Variants in PREX1 observed in about 807,000 individuals in gnomAD.
The protein encoded by PREX1 is phosphatidylinositol 3,4,5-trisphosphate-dependent Rac exchanger 1 protein.
A neutral mutation model predicts 198.3 loss-of-function variants in PREX1; 41 were observed. The ratio of observed to expected loss-of-function variants is 0.21; its 90% CI spans 0.16 to 0.27. PREX1 has a LOEUF of 0.27. Ranked by LOEUF, PREX1 falls within the 10% of genes least tolerant of loss-of-function variation. The pLI, the probability that PREX1 is intolerant of heterozygous loss-of-function variation, is 1.00. For missense variants in PREX1, 1,620 were observed against 2,200.7 expected (o/e 0.74, Z 5.28); for synonymous variants, 843 against 887.2 (o/e 0.95, Z 0.89).
At chr20:48,653,276 T>A (rs2089514803) in intron 20 of PREX1, 85 bp downstream of exon 20, 3 of 1,546,824 alleles carry the variant, frequency 1.9e-6, no homozygotes, top group Non-Finnish European at 2.6e-6. Flanking sequence ...ACATGCAGGC[T>A]TTTCTCTAAA....
At chr20:48,798,818 C>A (rs934229254) in intron 1 of PREX1, among the ~76,000 whole-genome samples, 10 of 152,240 alleles carry the variant, frequency 6.6e-5, no homozygotes, top group Non-Finnish European at 1.5e-4. Context: ...AACTGTGTAT[C>A]TGACCCTCCT....
chr20:48,757,085 C>G (rs1300175421), intron 1 of PREX1, among the ~76,000 whole-genome samples: 1 of 152,140 alleles, frequency 6.6e-6, no homozygotes, highest in African/African-American at 2.4e-5. Flanking sequence ...AGCTACAATT[C>G]AAGGTGAGAT....
the PREX1 span, among the ~76,000 whole-genome samples, chr20:48,877,959 A>T: frequency 1.3e-5 from 2 of 152,146 alleles, no homozygotes; most frequent in African/African-American, 4.8e-5. Context: ...AAATACAAAA[A>T]TTAGCCGGGC....
intron 1 of PREX1, among the ~76,000 whole-genome samples, chr20:48,807,787 G>A (rs1462518114): frequency 6.6e-6 from 1 of 152,166 alleles, no homozygotes; most frequent in Non-Finnish European, 1.5e-5. Flanking sequence ...AGTAAGGGAT[G>A]GAAGGTGACG....
intron 32 of PREX1, among the ~76,000 whole-genome samples, chr20:48,636,107 T>A (rs1477340246): frequency 2.0e-5 from 3 of 152,160 alleles, no homozygotes; most frequent in African/African-American, 4.8e-5. Flanking sequence ...CACTCCCACC[T>A]CAGGCCCTCA....
At chr20:48,792,663 T>C (rs916242237) in intron 1 of PREX1, among the ~76,000 whole-genome samples, 1 of 152,082 alleles carries the variant, frequency 6.6e-6, no homozygotes, top group African/African-American at 2.4e-5. Flanking sequence ...TTATTCATAG[T>C]AGCCAAACTG....
chr20:48,876,693 A>G, the PREX1 span, among the ~76,000 whole-genome samples: 645 of 152,324 alleles, frequency 4.2e-3, 4 homozygotes, highest in Non-Finnish European at 7.1e-3. Context: ...TATTCTTGGG[A>G]AGATGAAAAG....
chr20:48,679,754 A>G lies in PREX1; in HGVS notation c.1436T>C (p.Val479Ala), dbSNP rs1420216829. 3.1e-6 allele frequency: 5 copies of G among 1,608,490 alleles called. No homozygotes were observed. The highest frequency in any genetic ancestry group is 8.5e-7 in the Non-Finnish European group (1 of 1,174,852). ...ATTCTTGAACTGGTGCTTGTCGGAA[A>G]CTGGAGAGACAGGAGGACCTGTGAC... ...ALLENGIIHH[V>A]SDKHQFKNEQ... Residue 479 changes from valine to alanine, a missense_variant and splice_region_variant, in exon 12 of 40, where the codon GTT (valine) becomes GCT (alanine). By Grantham distance (64) the Val-to-Ala change is moderately conservative. Coordinates refer to ENST00000371941, the MANE Select transcript of PREX1 (RefSeq NM_020820.4).
At chr20:48,749,271 C>A (rs2090123381) in intron 1 of PREX1, among the ~76,000 whole-genome samples, 1 of 152,158 alleles carries the variant, frequency 6.6e-6, no homozygotes, top group South Asian at 2.1e-4. Flanking sequence ...GCTGTCATAG[C>A]CACAGGGCCA....
chr20:48,807,578 T>A (rs2090417384), intron 1 of PREX1, among the ~76,000 whole-genome samples: 1 of 152,202 alleles, frequency 6.6e-6, no homozygotes, highest in Non-Finnish European at 1.5e-5. Flanking sequence ...CCTACTTTTT[T>A]TTTCTTGTTT....
Position 48,636,607 on chromosome 20 carries a change from C to T in PREX1, c.4023G>A (p.Gln1341=). 6.2e-7 allele frequency: 1 copy of T among 1,611,848 alleles called. No homozygotes were observed. The highest frequency in any genetic ancestry group is 1.3e-5 in the African/African-American group (1 of 75,042). Residue 1341 remains glutamine (Q), a synonymous_variant, in exon 32 of 40, where the codon CAG becomes CAA. Transcript: ENST00000371941. ...AGCGGTAGCCCAGGGCCGCCAGCAG[C>T]TGCTTGGAGAAGGTGCACACGGCGG... ...LVAAVCTFSK[Q]LLAALGYRYN...
chr20:48,632,661 G>A (rs1206552598), intron 33 of PREX1, 22 bp from the exon 34 acceptor site: 1 of 1,612,668 alleles, frequency 6.2e-7, no homozygotes, highest in South Asian at 1.1e-5. Context: ...TATGGGGCAG[G>A]ATGACTCACC....
At chr20:48,765,978 T>C (rs2090206129) in intron 1 of PREX1, among the ~76,000 whole-genome samples, 1 of 152,126 alleles carries the variant, frequency 6.6e-6, no homozygotes, top group Non-Finnish European at 1.5e-5. Flanking sequence ...CAAACCCTAC[T>C]GCAAACCACC....
intron 2 of PREX1, among the ~76,000 whole-genome samples, chr20:48,745,945 C>T (rs545938146): frequency 5.9e-5 from 9 of 152,286 alleles, no homozygotes; most frequent in Admixed American, 2.0e-4. Flanking sequence ...GGACAGACCC[C>T]GCAATGAGCA....
chr20:48,692,768 T>C lies in PREX1; in HGVS notation c.940A>G (p.Thr314Ala). The C allele has an allele frequency of 6.2e-7, 1 of 1,614,090 alleles. No homozygotes were observed. Among genetic ancestry groups the C allele is most frequent in the African/African-American group, 1.3e-5 (1 of 75,018 alleles). ...CCGTTGATGGATTTGGTCCTCTTGG[T>C]GGACTTCTTGCTCCCGGTGACCCTG... ...KSRVTGSKKSTKRTKSINGSL... is the reference protein window; with the variant it reads ...KSRVTGSKKSAKRTKSINGSL... Residue 314 changes from threonine (T) to alanine (A), a missense_variant, in exon 8 of 40, where the codon ACC becomes GCC. Physicochemically the swap from Thr to Ala is moderately conservative, Grantham distance 58. Transcript: ENST00000371941.
rs542927577 is a variant in PREX1 at position 48,652,257 on chromosome 20, A to G, written c.2467+329T>C. Among the ~76,000 whole-genome samples, 11 of 148,928 alleles carry G rather than the reference A, an allele frequency of 7.4e-5. 1 individual carries two copies. The Admixed American group carries it at 7.5e-4, about 10-fold the overall frequency. On this transcript the variant is annotated intron_variant, in intron 21 of 39. Coordinates refer to ENST00000371941, the MANE Select transcript of PREX1 (RefSeq NM_020820.4). Reference sequence around the variant, plus strand: ...AGACCAGCCTGGGCAACATAGGGAGACCTCATCTCTAAAAAAAAAACTCTA... The same window carrying G: ...AGACCAGCCTGGGCAACATAGGGAGGCCTCATCTCTAAAAAAAAAACTCTA...
intron 21 of PREX1, among the ~76,000 whole-genome samples, chr20:48,651,858 C>T (rs2089500877): frequency 6.6e-6 from 1 of 152,198 alleles, no homozygotes; most frequent in Non-Finnish European, 1.5e-5. Context: ...GGGGAATAGC[C>T]CCTTGGAGGA....
chr20:48,653,312 C>A, intron 20 of PREX1, 49 bp downstream of exon 20: 7 of 1,596,040 alleles, frequency 4.4e-6, no homozygotes, highest in South Asian at 1.1e-5. Flanking sequence ...AGCCACCCAC[C>A]CCCACTCAGC....
At chr20:48,741,081 T>C (rs1481649795) in intron 3 of PREX1, among the ~76,000 whole-genome samples, 2 of 152,196 alleles carry the variant, frequency 1.3e-5, no homozygotes, top group Non-Finnish European at 1.5e-5. Flanking sequence ...CAATCTCGAC[T>C]CACTGCAACC....
Sources: gnomAD v4.1 joint callset for allele counts (sites outside exome capture counted in the v4.1 genomes callset) on GRCh38, gnomAD v4.1.1 for gene constraint, MANE v1.5 for transcripts, NCBI Gene and HGNC (gene_info 2026-07-23, HGNC 2026-07-21) for gene names.